ABLIM1: variants seen among roughly 807,000 people sequenced by gnomAD.
ABLIM1 encodes actin binding LIM protein 1.
ABLIM1 carries 40 observed loss-of-function variants against 107.0 expected under a neutral mutation model. That is an observed-to-expected ratio of 0.37 (90% CI 0.29 to 0.49). ABLIM1 has a LOEUF of 0.49. Among genes scored for constraint, ABLIM1 ranks in the 20% least tolerant of loss-of-function variants. ABLIM1 has a pLI of 0.97. For missense variants in ABLIM1, 857 were observed against 1,008.5 expected, an observed-to-expected ratio of 0.85 and a Z score of 2.04; for synonymous variants, 357 against 357.3, an observed-to-expected ratio of 1.00 and a Z score of 0.01.
chr10:114,554,761 A>T (rs2068512773), intron 4 of ABLIM1, among the ~76,000 whole-genome samples: 1 of 152,220 alleles, frequency 6.6e-6, no homozygotes, highest in African/African-American at 2.4e-5. Flanking sequence ...AAAAGTAGCA[A>T]TAGGGAAAAA....
the ABLIM1 span, among the ~76,000 whole-genome samples, chr10:114,787,568 CGGGA>C: frequency 2.9e-5 from 4 of 139,034 alleles, no homozygotes; most frequent in Non-Finnish European, 3.1e-5. Context: ...CCACCCCGTC[CGGGA>C]GGGAGGTGGG....
chr10:114,499,903 T>A (rs1237515145), intron 6 of ABLIM1, among the ~76,000 whole-genome samples: 1 of 152,196 alleles, frequency 6.6e-6, no homozygotes, highest in Non-Finnish European at 1.5e-5. Context: ...AGGCTTCCAA[T>A]GCAACTGGAC....
Position 114,601,864 on chromosome 10 carries a change from C to T in ABLIM1, c.342G>A (p.Gln114=). 1 of 1,614,144 alleles carries T rather than the reference C, an allele frequency of 6.2e-7. No individual in the cohort carries two copies. The highest frequency in any genetic ancestry group is 8.5e-7 in the Non-Finnish European group (1 of 1,180,022). The part of the protein sequence containing the change: ...EPCKGEVLRV[Q]TKHFHIKCFT... ...AACACTTGATGTGGAAATGTTTGGTCTGGACCCGAAGCACTTCACCCTTGC... is the reference window on the plus strand; with the variant it reads ...AACACTTGATGTGGAAATGTTTGGTTTGGACCCGAAGCACTTCACCCTTGC... Residue 114 remains glutamine (Q), a synonymous_variant, in exon 2 of 23, where the codon CAG becomes CAA. Coordinates refer to ENST00000533213, the MANE Select transcript of ABLIM1 (RefSeq NM_002313.7).
chr10:114,788,997 C>T, the ABLIM1 span, among the ~76,000 whole-genome samples: 172 of 152,308 alleles, frequency 1.1e-3, 1 homozygote, highest in Non-Finnish European at 8.5e-4. Context: ...TGACTCATGC[C>T]TGTAATCCCA....
chr10:114,726,283 T>G (rs2081957465), intron 1 of ABLIM1, among the ~76,000 whole-genome samples: 1 of 152,144 alleles, frequency 6.6e-6, no homozygotes, highest in East Asian at 1.9e-4. Context: ...TTTGTTAGGC[T>G]ATTCTTGCAT....
At chr10:114,526,886 T>A in intron 6 of ABLIM1, 17 of 985,506 alleles carry the variant, frequency 1.7e-5, no homozygotes, top group Non-Finnish European at 2.0e-5. Context: ...ACCAGCCCCG[T>A]GTGCGGCGGG....
chr10:114,617,995 T>C (rs1024813037), intron 1 of ABLIM1, among the ~76,000 whole-genome samples: 32 of 152,182 alleles, frequency 2.1e-4, no homozygotes, highest in African/African-American at 6.3e-4. Context: ...AATATGCTTA[T>C]AATGCATGAT....
At chr10:114,747,892 T>C (rs2082418141) in intron 1 of ABLIM1, among the ~76,000 whole-genome samples, 1 of 152,012 alleles carries the variant, frequency 6.6e-6, no homozygotes, top group Admixed American at 6.6e-5. Context: ...ATACAAAAAT[T>C]AGCTGGGCGT....
At chr10:114,528,455 T>C (rs2065100061) in intron 6 of ABLIM1, among the ~76,000 whole-genome samples, 1 of 152,258 alleles carries the variant, frequency 6.6e-6, no homozygotes, top group Non-Finnish European at 1.5e-5. Context: ...GCCGTGCTTC[T>C]AAAATGAAGA....
At chr10:114,452,736 C>A (rs1261040754) in intron 13 of ABLIM1, among the ~76,000 whole-genome samples, 1 of 152,142 alleles carries the variant, frequency 6.6e-6, no homozygotes, top group African/African-American at 2.4e-5. Flanking sequence ...TTAATGGGCT[C>A]TGATTATTTC....
chr10:114,695,203 G>C (rs1212464012), intron 1 of ABLIM1, among the ~76,000 whole-genome samples: 1 of 152,158 alleles, frequency 6.6e-6, no homozygotes, highest in African/African-American at 2.4e-5. Context: ...CCCTTTAAGG[G>C]ACAGCATAAT....
At chr10:114,456,053 A>C (rs1464152185) in intron 12 of ABLIM1, among the ~76,000 whole-genome samples, 1 of 152,110 alleles carries the variant, frequency 6.6e-6, no homozygotes, top group Non-Finnish European at 1.5e-5. Flanking sequence ...TGACCTCGTG[A>C]TCCACCCGCC....
intron 1 of ABLIM1, among the ~76,000 whole-genome samples, chr10:114,719,277 G>A (rs1409912685): frequency 6.6e-6 from 1 of 152,174 alleles, no homozygotes; most frequent in African/African-American, 2.4e-5. Context: ...GCCTGCTGTG[G>A]CCAAGATACT....
intron 2 of ABLIM1, among the ~76,000 whole-genome samples, chr10:114,585,244 T>C (rs539709253): frequency 5.3e-5 from 8 of 152,332 alleles, no homozygotes; most frequent in African/African-American, 1.9e-4. Flanking sequence ...GTCTACATTC[T>C]CTACTATTCC....
intron 2 of ABLIM1, among the ~76,000 whole-genome samples, chr10:114,576,235 G>A (rs1452880792): frequency 6.6e-6 from 1 of 152,142 alleles, no homozygotes. Flanking sequence ...ATCTCCTTCC[G>A]ACTGTGCAGC....
intron 14 of ABLIM1, 122 bp from the exon 15 acceptor site, chr10:114,448,142 T>G: frequency 2.3e-6 from 3 of 1,280,550 alleles, no homozygotes; most frequent in Non-Finnish European, 3.3e-6. Context: ...AAGTTCTGTT[T>G]ATTACCATTA....
At chr10:114,623,503 T>C (rs1741703709) in intron 1 of ABLIM1, among the ~76,000 whole-genome samples, 1 of 152,214 alleles carries the variant, frequency 6.6e-6, no homozygotes, top group South Asian at 2.1e-4. Context: ...AGATGATATT[T>C]GCAAAAGGGA....
chr10:114,582,389 T>C (rs184751701), intron 2 of ABLIM1, among the ~76,000 whole-genome samples: 1 of 152,272 alleles, frequency 6.6e-6, no homozygotes, highest in East Asian at 1.9e-4. Context: ...ACACATTCCA[T>C]GCTCATGGAT....
intron 13 of ABLIM1, 31 bp downstream of exon 13, chr10:114,453,348 A>G (rs1224049611): frequency 1.2e-6 from 2 of 1,602,822 alleles, no homozygotes; most frequent in African/African-American, 2.7e-5. Flanking sequence ...CTGTGACAGG[A>G]CACCAAGACA....
Sources: gnomAD v4.1 joint callset for allele counts (sites outside exome capture counted in the v4.1 genomes callset) on GRCh38, gnomAD v4.1.1 for gene constraint, MANE v1.5 for transcripts, NCBI Gene and HGNC (gene_info 2026-07-23, HGNC 2026-07-21) for gene names.